The following HABP4 variants were observed in gnomAD, a reference collection of about 807,000 sequenced individuals.
HABP4 encodes the protein hyaluronan binding protein 4.
Under a neutral mutation model 44.1 loss-of-function variants are expected in HABP4, and 32 were observed. That is an observed-to-expected ratio of 0.73 (90% CI 0.55 to 0.97). HABP4 has a LOEUF of 0.97. HABP4 is among the 50% of genes least tolerant of loss of function. The pLI is 0.00. For synonymous variants in HABP4, 216 were observed against 218.0 expected (o/e 0.99, Z 0.08); for missense variants, 503 against 561.9 (o/e 0.90, Z 1.06).
chr9:96,479,926 G>A (rs1462331533), intron 5 of HABP4, among the ~76,000 whole-genome samples: 1 of 152,162 alleles, frequency 6.6e-6, no homozygotes, highest in Admixed American at 6.5e-5. Context: ...AGCACTGTGG[G>A]AGGCCAAAGT....
rs755052240 is a variant in HABP4 at position 96,465,392 on chromosome 9, G to C, written c.568G>C (p.Gly190Arg). ...GTTGAGAGGACGTGGAGGCCCGAGA[G>C]GGGGTATGCGCGGCAGAGGCAGAGG... ...RPLRGRGGPR[G>R]GMRGRGRGGP... is the part of the protein sequence containing the mutation. The change falls in exon 3 of 8, where the codon GGG becomes CGG. Residue 190 changes from glycine (G) to arginine (R), a missense_variant. Transcript: ENST00000375249. 24 of 1,609,130 alleles carry C rather than the reference G, an allele frequency of 1.5e-5. 1 individual carries two copies. The highest frequency in any genetic ancestry group is 3.3e-5 in the South Asian group (3 of 90,986).
chr9:96,451,428 A>G (rs1048162609), intron 1 of HABP4: 38 of 979,204 alleles, frequency 3.9e-5, no homozygotes, highest in Non-Finnish European at 4.4e-5. Context: ...TCAGTGGCAG[A>G]GCCAGCAACA....
rs1178403815 is a variant in HABP4 at position 96,490,825 on chromosome 9, G to C, written c.*787G>C. On this transcript the variant is annotated 3_prime_UTR_variant, in exon 8 of 8. Coordinates refer to ENST00000375249, the MANE Select transcript of HABP4 (RefSeq NM_014282.4). The stretch of plus-strand genomic sequence containing the variant: ...CGCATCCTTTTCTTCCGCAGAACTA[G>C]AGTCAGAGTTCGGCAGCTGCGTACA... 6.6e-6 allele frequency: 1 copy of C among 152,232 alleles called. No homozygotes were observed. The highest frequency in any genetic ancestry group is 2.4e-5 in the African/African-American group (1 of 41,460). 9.4% of individuals were successfully genotyped at this position (152,232 alleles called of 1,614,324 possible).
intron 4 of HABP4, among the ~76,000 whole-genome samples, chr9:96,467,620 G>A (rs1832625670): frequency 6.7e-6 from 1 of 149,292 alleles, no homozygotes; most frequent in South Asian, 2.1e-4. Flanking sequence ...CCACCTCCCA[G>A]GTTCAAGCAA....
intron 5 of HABP4, among the ~76,000 whole-genome samples, chr9:96,472,720 T>C (rs1447999337): frequency 6.6e-6 from 1 of 152,228 alleles, no homozygotes; most frequent in Non-Finnish European, 1.5e-5. Flanking sequence ...CCTGCGTAAG[T>C]GTCCTCTGGA....
intron 1 of HABP4, 102 bp from the exon 2 acceptor site, chr9:96,458,277 T>C (rs1320807749): frequency 2.5e-6 from 3 of 1,209,794 alleles, no homozygotes; most frequent in Admixed American, 1.7e-5. Context: ...TCCTATGACG[T>C]TGATTTCTAG....
At chr9:96,459,807 T>C (rs1350829494) in intron 2 of HABP4, among the ~76,000 whole-genome samples, 1 of 152,216 alleles carries the variant, frequency 6.6e-6, no homozygotes, top group Non-Finnish European at 1.5e-5. Context: ...GAGCAGGTGA[T>C]GACTCATGCA....
chr9:96,454,514 G>C (rs1587768301), intron 1 of HABP4, among the ~76,000 whole-genome samples: 2 of 146,754 alleles, frequency 1.4e-5, no homozygotes, highest in Non-Finnish European at 3.0e-5. Context: ...GCAGTGGCAC[G>C]ATCTTGGCTC....
chr9:96,485,545 C>T (rs10991348), intron 6 of HABP4, among the ~76,000 whole-genome samples: 35,352 of 152,122 alleles, frequency 0.23, 5,125 homozygotes, highest in African/African-American at 0.41. Flanking sequence ...GGAGCTCCTC[C>T]GTGTTGTGAG....
intron 5 of HABP4, among the ~76,000 whole-genome samples, chr9:96,478,745 C>T (rs1441829879): frequency 2.0e-5 from 3 of 150,820 alleles, no homozygotes; most frequent in African/African-American, 7.3e-5. Context: ...ACTGTAACTT[C>T]GAACTCCTGG....
chr9:96,471,571 G>A (rs1240425188), intron 5 of HABP4, among the ~76,000 whole-genome samples: 1 of 152,138 alleles, frequency 6.6e-6, no homozygotes, highest in Non-Finnish European at 1.5e-5. Context: ...ACAACCTAAT[G>A]AATATCAATG....
chr9:96,465,837 T>C, intron 4 of HABP4, 59 bp downstream of exon 4: 2 of 898,420 alleles, frequency 2.2e-6, no homozygotes, highest in Middle Eastern at 2.1e-4. Flanking sequence ...CTCTGGATCT[T>C]TGCTTTTCTT....
At chr9:96,486,411 C>T (rs1252077797) in intron 6 of HABP4, among the ~76,000 whole-genome samples, 1 of 152,146 alleles carries the variant, frequency 6.6e-6, no homozygotes, top group African/African-American at 2.4e-5. Context: ...TTCCTTTGTT[C>T]TTTTTTGTTC....
At chr9:96,466,822 A>C (rs1241238809) in intron 4 of HABP4, among the ~76,000 whole-genome samples, 2 of 152,106 alleles carry the variant, frequency 1.3e-5, no homozygotes, top group Admixed American at 6.5e-5. Flanking sequence ...GGCATGCTGC[A>C]GGCAGTGCAG....
chr9:96,463,904 A>T (rs1288108023), intron 2 of HABP4, among the ~76,000 whole-genome samples: 1 of 152,250 alleles, frequency 6.6e-6, no homozygotes, highest in Non-Finnish European at 1.5e-5. Flanking sequence ...CCTCCATTAA[A>T]TAAGTAATTT....
intron 1 of HABP4, among the ~76,000 whole-genome samples, chr9:96,454,109 G>T (rs969756378): frequency 2.0e-5 from 3 of 152,148 alleles, no homozygotes; most frequent in African/African-American, 7.2e-5. Flanking sequence ...TACAGTAAAT[G>T]TCCTATTTTA....
rs187497412 is a variant in HABP4 at position 96,458,172 on chromosome 9, A to G, written c.350-207A>G. 1.4e-3 allele frequency among the ~76,000 whole-genome samples: 207 copies of G among 152,368 alleles called. 2 individuals carry two copies. Among genetic ancestry groups the G allele is most frequent in the South Asian group, 0.013 (63 of 4,828 alleles). Reference sequence around the variant, plus strand: ...ATACTTTCTAGGATATAGGGAAAGCATGATTTAATAGTAACATCCTATTAA... The same window carrying G: ...ATACTTTCTAGGATATAGGGAAAGCGTGATTTAATAGTAACATCCTATTAA... On this transcript the variant is annotated intron_variant, in intron 1 of 7. Transcript: ENST00000375249.
intron 2 of HABP4, among the ~76,000 whole-genome samples, chr9:96,459,203 A>G (rs1358841287): frequency 6.6e-6 from 1 of 152,232 alleles, no homozygotes; most frequent in Non-Finnish European, 1.5e-5. Flanking sequence ...GACTAGGGAT[A>G]TAATTATGGT....
intron 5 of HABP4, among the ~76,000 whole-genome samples, chr9:96,473,077 C>G (rs1489223597): frequency 2.6e-5 from 4 of 152,226 alleles, no homozygotes; most frequent in Non-Finnish European, 4.4e-5. Flanking sequence ...CTTAGGCCTT[C>G]TCTTTCTGTA....
Sources: gnomAD v4.1 joint callset for allele counts (sites outside exome capture counted in the v4.1 genomes callset) on GRCh38, gnomAD v4.1.1 for gene constraint, MANE v1.5 for transcripts, NCBI Gene and HGNC (gene_info 2026-07-23, HGNC 2026-07-21) for gene names.